PREX2: variants seen among roughly 807,000 people sequenced by gnomAD.
The protein encoded by PREX2 is phosphatidylinositol 3,4,5-trisphosphate-dependent Rac exchanger 2 protein.
In PREX2, 107 loss-of-function variants were observed where a neutral mutation model predicts 203.2. That is an observed-to-expected ratio of 0.53 (90% CI 0.45 to 0.62). The LOEUF (loss-of-function observed/expected upper bound fraction) is 0.62. PREX2 is among the 20% of genes least tolerant of loss of function. PREX2 has a pLI of 0.00. For missense variants in PREX2, 1,777 were observed against 1,955.9 expected, an observed-to-expected ratio of 0.91 and a Z score of 1.72; for synonymous variants, 672 against 663.6, an observed-to-expected ratio of 1.01 and a Z score of -0.19.
chr8:68,167,331 T>C (rs1811781436), intron 35 of PREX2, among the ~76,000 whole-genome samples: 1 of 5,350 alleles, frequency 1.9e-4, no homozygotes, highest in African/African-American at 3.3e-4. Context: ...TGTTCTCTTC[T>C]TTTTTTTTTT....
At chr8:68,100,212 A>G (rs749072546) in intron 23 of PREX2, 1 of 459,448 alleles carries the variant, frequency 2.2e-6, no homozygotes, top group Non-Finnish European at 4.4e-6. Flanking sequence ...GAGAATGAAA[A>G]CTCTCAATCA....
intron 1 of PREX2, among the ~76,000 whole-genome samples, chr8:68,012,466 A>C (rs551848049): frequency 5.9e-4 from 90 of 152,326 alleles, no homozygotes; most frequent in African/African-American, 2.1e-3. Flanking sequence ...TTTCTGAATC[A>C]CAAGGAAACA....
intron 24 of PREX2, 32 bp from the exon 25 acceptor site, chr8:68,109,384 C>T (rs1810487097): frequency 6.5e-7 from 1 of 1,534,946 alleles, no homozygotes; most frequent in Non-Finnish European, 8.9e-7. Flanking sequence ...AAAGGTGATA[C>T]ATATTACTAA....
At chr8:68,060,595 C>T in intron 10 of PREX2, 84 bp from the exon 11 acceptor site, 2 of 822,892 alleles carry the variant, frequency 2.4e-6, no homozygotes, top group Non-Finnish European at 2.0e-6. Context: ...TTCCTTTCAT[C>T]ATTGCTTCAT....
chr8:68,200,434 T>G (rs1812478312), intron 37 of PREX2, among the ~76,000 whole-genome samples: 1 of 152,030 alleles, frequency 6.6e-6, no homozygotes, highest in South Asian at 2.1e-4. Context: ...ACATTAAAAT[T>G]TATTCTAATT....
chr8:68,208,128 G>A (rs929500058), intron 37 of PREX2, among the ~76,000 whole-genome samples: 2 of 152,200 alleles, frequency 1.3e-5, no homozygotes, highest in Non-Finnish European at 2.9e-5. Context: ...GGAAAGGTTA[G>A]AGTGAGGTTG....
intron 7 of PREX2, among the ~76,000 whole-genome samples, chr8:68,040,984 T>A (rs1343594755): frequency 2.6e-5 from 4 of 152,228 alleles, no homozygotes; most frequent in African/African-American, 9.6e-5. Context: ...CTTTATGGGA[T>A]GTTTCCTTAA....
chr8:68,226,873 G>T (rs1171707094), intron 39 of PREX2, among the ~76,000 whole-genome samples: 1 of 152,126 alleles, frequency 6.6e-6, no homozygotes, highest in Non-Finnish European at 1.5e-5. Context: ...AATACTCCTG[G>T]GCCTGTCAGC....
At chr8:68,069,781 G>T in intron 12 of PREX2, 54 bp from the exon 13 acceptor site, 1 of 815,910 alleles carries the variant, frequency 1.2e-6, no homozygotes, top group South Asian at 2.2e-5. Context: ...AAATTTCATT[G>T]AAATGTCCCT....
intron 1 of PREX2, among the ~76,000 whole-genome samples, chr8:67,988,795 G>A (rs1056157306): frequency 6.6e-6 from 1 of 152,166 alleles, no homozygotes; most frequent in Non-Finnish European, 1.5e-5. Context: ...AAGGTGGTGG[G>A]GAAGGTGACA....
intron 25 of PREX2, among the ~76,000 whole-genome samples, chr8:68,111,284 G>A (rs976407392): frequency 3.3e-5 from 5 of 152,098 alleles, no homozygotes; most frequent in African/African-American, 9.7e-5. Context: ...CTTGTCAGTG[G>A]CAAGATTATT....
intron 37 of PREX2, among the ~76,000 whole-genome samples, chr8:68,214,095 C>T (rs1278061529): frequency 2.6e-5 from 4 of 152,058 alleles, no homozygotes; most frequent in Non-Finnish European, 5.9e-5. Context: ...AAGATTGGGG[C>T]ATCAGGTAAG....
intron 4 of PREX2, among the ~76,000 whole-genome samples, chr8:68,023,526 T>C (rs1454372817): frequency 1.3e-5 from 2 of 152,186 alleles, no homozygotes; most frequent in East Asian, 1.9e-4. Context: ...AAGTCCTATA[T>C]CAGGTATACA....
intron 35 of PREX2, among the ~76,000 whole-genome samples, chr8:68,165,762 A>G (rs1049971195): frequency 3.3e-5 from 5 of 152,102 alleles, no homozygotes; most frequent in African/African-American, 1.2e-4. Context: ...AAAATAAATT[A>G]TTTTAGGTAT....
intron 35 of PREX2, among the ~76,000 whole-genome samples, chr8:68,171,025 T>A (rs1252041776): frequency 6.6e-6 from 1 of 152,186 alleles, no homozygotes; most frequent in African/African-American, 2.4e-5. Context: ...GTTTAGAATA[T>A]TATTTTCAGT....
chr8:67,961,500 G>A (rs1311914888), intron 1 of PREX2, among the ~76,000 whole-genome samples: 1 of 151,922 alleles, frequency 6.6e-6, no homozygotes, highest in African/African-American at 2.4e-5. Context: ...TAACATTGTA[G>A]TTGCCTCAAA....
intron 35 of PREX2, among the ~76,000 whole-genome samples, chr8:68,165,096 T>C (rs1359727786): frequency 6.6e-6 from 1 of 151,998 alleles, no homozygotes; most frequent in Non-Finnish European, 1.5e-5. Flanking sequence ...TTGCTGGGTA[T>C]TCAAAGCAGC....
chr8:68,023,556 C>G (rs1418280472), intron 4 of PREX2, among the ~76,000 whole-genome samples: 2 of 152,050 alleles, frequency 1.3e-5, no homozygotes, highest in Non-Finnish European at 2.9e-5. Flanking sequence ...TATTTCCTCT[C>G]AGTGTTGTTT....
At chr8:67,993,400 C>CTTTTTTTTTTTTTTTTTTTTTTT in intron 1 of PREX2, among the ~76,000 whole-genome samples, 1 of 108,230 alleles carries the variant, frequency 9.2e-6, no homozygotes, top group Admixed American at 9.7e-5. Flanking sequence ...TTACTTCAGT[C>CTTTTTTTTTTTTTTTTTTTTTTT]TTTTTTTTTT....
Sources: gnomAD v4.1 joint callset for allele counts (sites outside exome capture counted in the v4.1 genomes callset) on GRCh38, gnomAD v4.1.1 for gene constraint, MANE v1.5 for transcripts, NCBI Gene and HGNC (gene_info 2026-07-23, HGNC 2026-07-21) for gene names.